SMARCAD1: variants seen among roughly 807,000 people sequenced by gnomAD.
The protein encoded by SMARCAD1 is SNF2 related chromatin remodeling ATPase with DExD box 1.
A neutral mutation model predicts 127.1 loss-of-function variants in SMARCAD1; 25 were observed. That is an observed-to-expected ratio of 0.20 (90% CI 0.14 to 0.27). The LOEUF is 0.27. Ranked by LOEUF, SMARCAD1 falls within the 10% of genes least tolerant of loss-of-function variation. SMARCAD1 has a pLI of 1.00. For missense variants in SMARCAD1, 807 were observed against 1,206.0 expected, an observed-to-expected ratio of 0.67 and a Z score of 4.90; for synonymous variants, 400 against 396.9, an observed-to-expected ratio of 1.01 and a Z score of -0.09.
chr4:94,250,780 A>T lies in SMARCAD1; in HGVS notation c.836A>T (p.Glu279Val). The T allele has an allele frequency of 6.2e-7, 1 of 1,611,100 alleles. No individual in the cohort carries two copies. The highest frequency in any genetic ancestry group is 8.5e-7 in the Non-Finnish European group (1 of 1,178,624). ...CTTAGAGAAGTACTCAAGGAACATG[A>T]ATGGATGTACACAGAAGCTTTAGAA... ...QELREVLKEH[E>V]WMYTEALESL... Residue 279 changes from glutamate (E) to valine (V), a missense_variant, in exon 8 of 24, where the codon GAA (glutamate) becomes GTA (valine). Glu to Val is a moderately radical substitution (Grantham distance 121). Transcript: ENST00000354268.
intron 23 of SMARCAD1, among the ~76,000 whole-genome samples, chr4:94,286,328 C>T (rs749301001): frequency 1.3e-5 from 2 of 152,146 alleles, no homozygotes; most frequent in African/African-American, 2.4e-5. Context: ...AGAGAATAAA[C>T]CTTCAGTTTT....
At chr4:94,235,404 T>TA in intron 4 of SMARCAD1, among the ~76,000 whole-genome samples, 1 of 151,972 alleles carries the variant, frequency 6.6e-6, no homozygotes. Flanking sequence ...AAGATAAAAA[T>TA]AAACATGCTA....
intron 2 of SMARCAD1, among the ~76,000 whole-genome samples, chr4:94,211,732 T>C (rs1402714202): frequency 1.3e-5 from 2 of 152,166 alleles, no homozygotes; most frequent in Non-Finnish European, 2.9e-5. Context: ...CAAGGTCCCA[T>C]CTTTGCTTCT....
At chr4:94,268,360 A>G (rs1487122377) in intron 10 of SMARCAD1, among the ~76,000 whole-genome samples, 2 of 152,098 alleles carry the variant, frequency 1.3e-5, no homozygotes, top group East Asian at 3.8e-4. Flanking sequence ...GAATTTCAGT[A>G]ATTTTTGTTT....
chr4:94,229,823 G>T (rs1745563224), intron 3 of SMARCAD1, among the ~76,000 whole-genome samples: 1 of 149,754 alleles, frequency 6.7e-6, no homozygotes. Flanking sequence ...TTAATCATTT[G>T]TTTACAGTGA....
chr4:94,264,176 TAG>T (rs1164964597), intron 9 of SMARCAD1, among the ~76,000 whole-genome samples: 7 of 151,840 alleles, frequency 4.6e-5, no homozygotes, highest in African/African-American at 1.5e-4. Context: ...GACAAATAAT[TAG>T]AGTTTTGAAA....
At chr4:94,237,418 C>A (rs180943595) in intron 5 of SMARCAD1, among the ~76,000 whole-genome samples, 21 of 151,062 alleles carry the variant, frequency 1.4e-4, no homozygotes, top group African/African-American at 4.9e-4. Context: ...AAAATAAATG[C>A]ATTTGAATGA....
At chr4:94,260,131 T>G (rs550927522) in intron 9 of SMARCAD1, among the ~76,000 whole-genome samples, 1 of 152,238 alleles carries the variant, frequency 6.6e-6, no homozygotes, top group South Asian at 2.1e-4. Flanking sequence ...ACCTCCCCAG[T>G]GTAGTTTAAC....
rs770708420 is a variant in SMARCAD1 at position 94,252,941 on chromosome 4, T to C, written c.1215T>C (p.Pro405=). ...DASIGELTLI[P]QCSQKKAQKI... ...CAATTGGTGAACTTACTTTGATTCC[T>C]CAGTGTTCTCAGAAAAAGGCTCAGA... Residue 405 remains proline (P), a synonymous_variant, in exon 9 of 24, where the codon CCT becomes CCC. Coordinates refer to ENST00000354268, the MANE Select transcript of SMARCAD1 (RefSeq NM_020159.5). The C allele has an allele frequency of 1.2e-5, 20 of 1,613,944 alleles. No individual in the cohort carries two copies. Among genetic ancestry groups the C allele is most frequent in the Middle Eastern group, 3.3e-4 (2 of 6,082 alleles).
In SMARCAD1 at chr4:94,264,907, G is replaced by T; in HGVS notation, c.1481+1G>T. 1 of 1,606,324 alleles carries T rather than the reference G, an allele frequency of 6.2e-7. No individual in the cohort carries two copies. The highest frequency in any genetic ancestry group is 8.5e-7 in the Non-Finnish European group (1 of 1,173,528). On this transcript the variant is annotated splice_donor_variant, in intron 10 of 23. Coordinates refer to ENST00000354268, the MANE Select transcript of SMARCAD1 (RefSeq NM_020159.5). LOFTEE classifies it high-confidence loss of function. ...AACAACCTTCCATTCTAAACCAAAG[G>T]TAATCTTTGTTGAATATATTTATTC...
chr4:94,271,518 CTAAAA>C (rs1752537780), intron 11 of SMARCAD1, among the ~76,000 whole-genome samples: 1 of 152,150 alleles, frequency 6.6e-6, no homozygotes, highest in South Asian at 2.1e-4. Context: ...TGTTGGATTC[CTAAAA>C]TAAAAGTTAA....
chr4:94,226,509 T>TTA (rs1171803532), intron 3 of SMARCAD1, among the ~76,000 whole-genome samples: 3 of 17,006 alleles, frequency 1.8e-4, no homozygotes, highest in African/African-American at 7.0e-4. Context: ...TAACAGTGAT[T>TTA]TTTTTTTTTT....
At chr4:94,272,452 T>A (rs149569518) in intron 11 of SMARCAD1, among the ~76,000 whole-genome samples, 2 of 152,336 alleles carry the variant, frequency 1.3e-5, no homozygotes, top group Non-Finnish European at 2.9e-5. Flanking sequence ...TTTACATATA[T>A]GTACACCCAT....
At chr4:94,249,453 T>C (rs1481339841) in intron 6 of SMARCAD1, among the ~76,000 whole-genome samples, 1 of 152,058 alleles carries the variant, frequency 6.6e-6, no homozygotes, top group Non-Finnish European at 1.5e-5. Flanking sequence ...TCAGGGTCTT[T>C]CAGTGATCTT....
At chr4:94,226,020 C>A in intron 2 of SMARCAD1, 99 bp from the exon 3 acceptor site, 3 of 1,021,418 alleles carry the variant, frequency 2.9e-6, no homozygotes, top group Non-Finnish European at 2.9e-6. Context: ...AGATTGGAAA[C>A]AATGAATGAA....
chr4:94,221,329 A>C (rs1031186043), intron 2 of SMARCAD1, among the ~76,000 whole-genome samples: 2 of 152,256 alleles, frequency 1.3e-5, no homozygotes, highest in Non-Finnish European at 2.9e-5. Flanking sequence ...GAAATAATAC[A>C]TGGTTAACGG....
At chr4:94,269,543 G>A (rs1752236114) in intron 10 of SMARCAD1, among the ~76,000 whole-genome samples, 1 of 151,490 alleles carries the variant, frequency 6.6e-6, no homozygotes, top group Non-Finnish European at 1.5e-5. Flanking sequence ...CTACTTTATG[G>A]GATTTTTAAA....
chr4:94,273,210 A>T (rs78931822), intron 11 of SMARCAD1, among the ~76,000 whole-genome samples: 1,590 of 152,306 alleles, frequency 0.01, 23 homozygotes, highest in African/African-American at 0.036. Flanking sequence ...TTATATTCTT[A>T]AGGGTAGAAT....
At chr4:94,283,090 T>G in intron 21 of SMARCAD1, 31 bp from the exon 22 acceptor site, 21 of 1,570,308 alleles carry the variant, frequency 1.3e-5, no homozygotes, top group Non-Finnish European at 1.8e-5. Context: ...AACTTTTTAG[T>G]GAGATTTAAC....
Sources: gnomAD v4.1 joint callset for allele counts (sites outside exome capture counted in the v4.1 genomes callset) on GRCh38, gnomAD v4.1.1 for gene constraint, MANE v1.5 for transcripts, NCBI Gene and HGNC (gene_info 2026-07-23, HGNC 2026-07-21) for gene names.